Variants in UBR4 observed in about 807,000 individuals in gnomAD.
UBR4 encodes ubiquitin protein ligase E3 component n-recognin 4, also known as E3 ubiquitin-protein ligase UBR4.
UBR4 carries 124 observed loss-of-function variants against 575.6 expected under a neutral mutation model. The observed-to-expected ratio is 0.22, with a 90% CI of 0.19 to 0.25. The LOEUF (loss-of-function observed/expected upper bound fraction) is 0.25, where lower values mean the gene tolerates loss of function less well. Among genes scored for constraint, UBR4 ranks in the 10% least tolerant of loss-of-function variants. UBR4 has a pLI of 1.00. For missense variants in UBR4, 4,818 were observed against 6,478.8 expected, an observed-to-expected ratio of 0.74 and a Z score of 8.80; for synonymous variants, 2,455 against 2,473.7, an observed-to-expected ratio of 0.99 and a Z score of 0.22.
intron 81 of UBR4, among the ~76,000 whole-genome samples, chr1:19,109,265 C>T (rs898737792): frequency 5.9e-5 from 9 of 152,214 alleles, no homozygotes; most frequent in African/African-American, 2.2e-4. Context: ...CTATGGCCTC[C>T]CAATTCAAAA....
chr1:19,085,016 G>A (rs1363108817), intron 101 of UBR4, among the ~76,000 whole-genome samples: 2 of 152,180 alleles, frequency 1.3e-5, no homozygotes, highest in Admixed American at 6.5e-5. Flanking sequence ...CATTTTGGAG[G>A]AAGCAATGTA....
chr1:19,114,051 G>A lies in UBR4; in HGVS notation c.11222C>T (p.Thr3741Ile). The change falls in exon 76 of 106, where the codon ACA (threonine) becomes ATA (isoleucine). Residue 3741 changes from threonine to isoleucine, a missense_variant. This residue lies in a region of UBR4 where 333 missense variants were observed against 459.2 expected (regional missense o/e 0.73). Transcript: ENST00000375254. ...DRKKAVSNIN[T>I]LLDKADRVYH... The stretch of plus-strand genomic sequence containing the variant: ...CACTCGATCAGCTTTGTCCAAAAGT[G>A]TATTGATGTTGGATACAGCCTAGAC... The A allele has an allele frequency of 6.2e-7, 1 of 1,614,002 alleles. No individual in the cohort carries two copies. Among genetic ancestry groups the A allele is most frequent in the Non-Finnish European group, 8.5e-7 (1 of 1,179,878 alleles).
intron 101 of UBR4, among the ~76,000 whole-genome samples, chr1:19,085,925 C>T (rs2076970507): frequency 6.6e-6 from 1 of 152,164 alleles, no homozygotes; most frequent in African/African-American, 2.4e-5. Context: ...GTGCTGGTTC[C>T]TCCCACCCTG....
chr1:19,140,093 A>C (rs899987072), intron 58 of UBR4, among the ~76,000 whole-genome samples: 1 of 152,186 alleles, frequency 6.6e-6, no homozygotes, highest in Non-Finnish European at 1.5e-5. Flanking sequence ...TAAAACTTCC[A>C]AAAGAAAAGA....
At chr1:19,141,265 T>C in intron 57 of UBR4, 82 bp downstream of exon 57, 8 of 1,591,478 alleles carry the variant, frequency 5.0e-6, no homozygotes, top group Non-Finnish European at 6.9e-6. Flanking sequence ...ACAAACTAAG[T>C]CAGCTGGATA....
chr1:19,093,436 C>G lies in UBR4; in HGVS notation c.13988G>C (p.Cys4663Ser). ...GTTCTTGATGCCAGCAGCTATTTTA[C>G]AGAAGCAGTCCAGGAAGACTTTATC... ...GDDKVFLDCF[C>S]KIAAGIKNNS... Residue 4663 changes from cysteine to serine, a missense_variant, in exon 96 of 106, where the codon TGT becomes TCT. By Grantham distance (112) the Cys-to-Ser change is moderately radical. This residue lies in a region of UBR4 where 165 missense variants were observed against 282.3 expected (regional missense o/e 0.58). Coordinates refer to ENST00000375254, the MANE Select transcript of UBR4 (RefSeq NM_020765.3). This position sits in a 1 kb window ranked among gnomAD's most constrained non-coding sequence, Gnocchi z 4.8. 2 of 1,614,210 alleles carry G rather than the reference C, an allele frequency of 1.2e-6. No individual in the cohort carries two copies. Among genetic ancestry groups the G allele is most frequent in the Non-Finnish European group, 1.7e-6 (2 of 1,180,036 alleles).
At chr1:19,124,110 C>T (rs2081475074) in intron 65 of UBR4, among the ~76,000 whole-genome samples, 2 of 152,332 alleles carry the variant, frequency 1.3e-5, no homozygotes, top group African/African-American at 4.8e-5. Context: ...CGCATCACAT[C>T]CCCTCAGGGA....
intron 60 of UBR4, among the ~76,000 whole-genome samples, chr1:19,131,787 C>T (rs1256429293): frequency 6.6e-6 from 1 of 152,174 alleles, no homozygotes; most frequent in Non-Finnish European, 1.5e-5. Flanking sequence ...GCAGGAGAAT[C>T]GCTTGAACCC....
rs757829799 is a variant in UBR4, at chr1:19,160,954, C to A, written c.5369G>T (p.Arg1790Leu). The change falls in exon 38 of 106, where the codon CGC becomes CTC. Residue 1790 changes from arginine (R) to leucine (L), a missense_variant. By Grantham distance (102) the Arg-to-Leu change is moderately radical. Around this residue, in one of 29 missense-constraint regions of UBR4, gnomAD observed 159 missense variants for 174.6 expected, o/e 0.91. Transcript: ENST00000375254. ...TTCCTCCCGGCAGCCCTCTACTGTGCGGCAGAGGCTGCTCTTCTTGGGCTT... is the reference window on the plus strand; with the variant it reads ...TTCCTCCCGGCAGCCCTCTACTGTGAGGCAGAGGCTGCTCTTCTTGGGCTT... Reference protein sequence around the residue: ...EEKPKKSSLCRTVEGCREELQ... With the variant: ...EEKPKKSSLCLTVEGCREELQ... 7 of 1,614,158 alleles carry A rather than the reference C, an allele frequency of 4.3e-6. 1 individual carries two copies. In the South Asian group the frequency reaches 4.4e-5, roughly 10 times the overall value.
Position 19,110,482 on chromosome 1 carries a change from G to C in UBR4, c.11893-18C>G. On this transcript the variant is annotated intron_variant, in intron 79 of 105. Transcript: ENST00000375254. The surrounding 1 kb of genome is among the most constrained non-coding windows in gnomAD (Gnocchi z 4.5). ...CTACTTGCCTAGAAGGCAATGGGAA[G>C]AGACATGAGTCAAGAGGGTCAGCTC... The C allele has an allele frequency of 1.2e-6, 2 of 1,613,270 alleles. No homozygotes were observed. Among genetic ancestry groups the C allele is most frequent in the Non-Finnish European group, 1.7e-6 (2 of 1,179,434 alleles).
chr1:19,110,600 T>C lies in UBR4; in HGVS notation c.11893-136A>G. The C allele has an allele frequency of 7.4e-7, 1 of 1,346,604 alleles. No homozygotes were observed. The highest frequency in any genetic ancestry group is 1.1e-6 in the Non-Finnish European group (1 of 948,178). The allele number at this position is 1,346,604 out of a possible 1,614,324, so 83.4% of individuals were successfully genotyped here. A position where few individuals can be genotyped will look rare whatever the true frequency, so the allele number is the denominator to read the frequency against. The stretch of plus-strand genomic sequence containing the variant: ...AGACGGAGACCCTTGTGCTCCAGGC[T>C]CTTCCCTGGGAAAACCATTCTGGGG... On this transcript the variant is annotated intron_variant, in intron 79 of 105. Transcript: ENST00000375254. This position sits in a 1 kb window ranked among gnomAD's most constrained non-coding sequence, Gnocchi z 4.5.
rs1315565968 is a variant in UBR4 at position 19,152,819 on chromosome 1, A to T, written c.6833-343T>A. Among the ~76,000 whole-genome samples the T allele has an allele frequency of 6.6e-6, 1 of 152,234 alleles. No homozygotes were observed. Among genetic ancestry groups the T allele is most frequent in the Non-Finnish European group, 1.5e-5 (1 of 68,042 alleles). ...ACCATTCTTTCAAAATAGACTGTAG[A>T]GCAAATTTAAGGTAATGTGATGATC... is the stretch of plus-strand genomic sequence containing the variant. On this transcript the variant is annotated intron_variant, in intron 46 of 105. Transcript: ENST00000375254. This position sits in a 1 kb window ranked among gnomAD's most constrained non-coding sequence, Gnocchi z 4.4.
rs2081806004 is a variant in UBR4 at position 19,126,439 on chromosome 1, A to C, written c.9438+7T>G. On this transcript the variant is annotated splice_region_variant and intron_variant, in intron 64 of 105. Coordinates refer to ENST00000375254, the MANE Select transcript of UBR4 (RefSeq NM_020765.3). ...CGAGTGTTTCTTTGATGAGGGAAAG[A>C]TCTCACCTTCACATACTGGCGGAGA... The C allele has an allele frequency of 1.2e-6, 2 of 1,614,144 alleles. No homozygotes were observed. Among genetic ancestry groups the C allele is most frequent in the Non-Finnish European group, 1.7e-6 (2 of 1,179,980 alleles).
At chr1:19,118,155 T>C (rs1256672370) in intron 71 of UBR4, 4 of 411,672 alleles carry the variant, frequency 9.7e-6, no homozygotes, top group Non-Finnish European at 1.7e-5. Flanking sequence ...AGAGGAATTC[T>C]AAAAAGTAGT....
chr1:19,123,556 G>A (rs1402697060), intron 65 of UBR4, among the ~76,000 whole-genome samples: 1 of 151,874 alleles, frequency 6.6e-6, no homozygotes, highest in East Asian at 1.9e-4. Context: ...ATGAGACCAG[G>A]AGAAAGAAAG....
chr1:19,104,816 C>A, intron 85 of UBR4, 150 bp from the exon 86 acceptor site: 1 of 1,102,950 alleles, frequency 9.1e-7, no homozygotes, highest in East Asian at 2.6e-5. Flanking sequence ...AGGAAGCCAA[C>A]AGTCACAGCG....
intron 25 of UBR4, 116 bp downstream of exon 25, chr1:19,172,748 G>A (rs1371439980): frequency 2.8e-5 from 28 of 1,005,178 alleles, no homozygotes; most frequent in Middle Eastern, 3.1e-4. Flanking sequence ...AGCATTATAC[G>A]TGGGGAAAAA....
chr1:19,194,349 G>A (rs1384484853), intron 8 of UBR4, among the ~76,000 whole-genome samples: 1 of 152,162 alleles, frequency 6.6e-6, no homozygotes, highest in Non-Finnish European at 1.5e-5. Flanking sequence ...TAAGCCAGGT[G>A]TGGTGGTGCA....
chr1:19,112,134 A>G, intron 78 of UBR4: 1 of 195,752 alleles, frequency 5.1e-6, no homozygotes, highest in Non-Finnish European at 1.0e-5. Flanking sequence ...AGTACAAGGT[A>G]TCAGATACTG....
Sources: gnomAD v4.1 joint callset for allele counts (sites outside exome capture counted in the v4.1 genomes callset) on GRCh38, gnomAD v4.1.1 for gene constraint, gnomAD v4.1.1 regional missense constraint, Gnocchi (gnomAD v3.1) non-coding constraint, MANE v1.5 for transcripts, NCBI Gene and HGNC (gene_info 2026-07-23, HGNC 2026-07-21) for gene names.